The following NTM variants were observed in gnomAD, a reference collection of about 807,000 sequenced individuals.
NTM encodes IgLON family member 2.
Under a neutral mutation model 42.1 loss-of-function variants are expected in NTM, and 13 were observed. That is an observed-to-expected ratio of 0.31 (90% CI 0.20 to 0.49). The LOEUF is 0.49. Among genes scored for constraint, NTM ranks in the 20% least tolerant of loss-of-function variants. The probability of loss-of-function intolerance (pLI) is 0.99; values close to 1 mark genes in which losing one functional copy is unlikely to be tolerated. For synonymous variants in NTM, 187 were observed against 179.2 expected, an observed-to-expected ratio of 1.04 and a Z score of -0.35; for missense variants, 373 against 452.8, an observed-to-expected ratio of 0.82 and a Z score of 1.60.
chr11:132,172,505 C>T (rs555897325), intron 3 of NTM, among the ~76,000 whole-genome samples: 8 of 152,134 alleles, frequency 5.3e-5, no homozygotes, highest in African/African-American at 1.9e-4. Context: ...CTGGAAATCA[C>T]CCTCACTTGA....
intron 1 of NTM, chr11:131,771,312 G>C (rs931860): frequency 0.42 from 64,154 of 151,950 alleles, 15,400 homozygotes; most frequent in East Asian, 0.62. Flanking sequence ...CAGGCTTTGT[G>C]CTTTGTTCTG....
chr11:131,851,532 C>CGCGCGTGT (rs147213224), intron 1 of NTM, among the ~76,000 whole-genome samples: 8,481 of 146,728 alleles, frequency 0.058, 371 homozygotes, highest in Non-Finnish European at 0.085. Context: ...GTGAGAATGG[C>CGCGCGTGT]GTGTGTGTGT....
rs546289746 is a variant in NTM at position 131,718,133 on chromosome 11, C to G, written c.83-193431C>G. 2.0e-5 allele frequency among the ~76,000 whole-genome samples: 3 copies of G among 152,114 alleles called. No homozygotes were observed. In the East Asian group the frequency reaches 5.8e-4, roughly 29 times the overall value. On this transcript the variant is annotated intron_variant, in intron 1 of 8. Transcript: ENST00000683400. ...AACAGTATGTTTTTTAGAATTTTTG[C>G]ATATCTATTTATGGAAAATAATGGT...
intron 1 of NTM, among the ~76,000 whole-genome samples, chr11:131,717,170 G>T (rs2077786994): frequency 6.6e-6 from 1 of 152,110 alleles, no homozygotes; most frequent in Non-Finnish European, 1.5e-5. Context: ...TCAGATAGTG[G>T]TAGGCCTCCA....
intron 2 of NTM, among the ~76,000 whole-genome samples, chr11:131,930,508 A>G (rs2058477442): frequency 1.3e-5 from 2 of 152,194 alleles, no homozygotes; most frequent in South Asian, 4.1e-4. Flanking sequence ...GTTATGAAAT[A>G]TTTTATATAC....
chr11:131,383,201 A>G (rs1942907292), intron 1 of NTM, among the ~76,000 whole-genome samples: 1 of 152,228 alleles, frequency 6.6e-6, no homozygotes, highest in Admixed American at 6.5e-5. Flanking sequence ...GAACAACATA[A>G]TCGATCTGAA....
At chr11:131,725,840 C>T (rs903326898) in intron 1 of NTM, among the ~76,000 whole-genome samples, 1 of 152,144 alleles carries the variant, frequency 6.6e-6, no homozygotes, top group African/African-American at 2.4e-5. Context: ...CAAACTTCAG[C>T]GTGAATCAGA....
chr11:132,160,728 G>A (rs1022760800), intron 3 of NTM, among the ~76,000 whole-genome samples: 1 of 152,206 alleles, frequency 6.6e-6, no homozygotes, highest in African/African-American at 2.4e-5. Flanking sequence ...TGGACATGAA[G>A]TTTTGCCCAG....
intron 1 of NTM, chr11:131,909,770 A>C (rs1023367158): frequency 3.9e-5 from 6 of 152,290 alleles, no homozygotes; most frequent in Non-Finnish European, 8.8e-5. Flanking sequence ...CAGAGAGGAG[A>C]AGTGACAGGG....
At chr11:131,777,607 C>A (rs1443029789) in intron 1 of NTM, among the ~76,000 whole-genome samples, 1 of 151,902 alleles carries the variant, frequency 6.6e-6, no homozygotes, top group Non-Finnish European at 1.5e-5. Context: ...AAGCCCCAAA[C>A]CCCAAAATTT....
intron 1 of NTM, among the ~76,000 whole-genome samples, chr11:131,802,622 T>C (rs2092216458): frequency 6.6e-6 from 1 of 152,194 alleles, no homozygotes; most frequent in South Asian, 2.1e-4. Context: ...TCTCTCCCTG[T>C]GCCATCAGCA....
At chr11:132,220,542 G>C (rs2084935897) in intron 4 of NTM, among the ~76,000 whole-genome samples, 1 of 152,204 alleles carries the variant, frequency 6.6e-6, no homozygotes, top group East Asian at 1.9e-4. Flanking sequence ...TCAATGTGCT[G>C]AATTGAGAAC....
At chr11:132,263,565 C>A (rs530946211) in intron 4 of NTM, among the ~76,000 whole-genome samples, 1 of 152,312 alleles carries the variant, frequency 6.6e-6, no homozygotes, top group Admixed American at 6.5e-5. Context: ...TTCGGACCAG[C>A]TGAGAATTTT....
At chr11:132,270,460 C>T (rs1029436161) in intron 4 of NTM, among the ~76,000 whole-genome samples, 1 of 152,072 alleles carries the variant, frequency 6.6e-6, no homozygotes, top group Admixed American at 6.6e-5. Flanking sequence ...AACTCCTGAC[C>T]TCAAGTGATC....
In NTM at chr11:131,737,085, G is replaced by T. The variant is rs1716143295; in HGVS notation, c.83-174479G>T. On this transcript the variant is annotated intron_variant, in intron 1 of 8. Transcript: ENST00000683400. ...CGCTGCTACTTCTGGATGTCAAGCT[G>T]TCAGGCTAATGGTGTCAAGGGCAGG... Among the ~76,000 whole-genome samples the T allele has an allele frequency of 2.0e-5, 3 of 152,294 alleles. No homozygotes were observed. The South Asian group carries it at 6.2e-4, about 32-fold the overall frequency.
chr11:132,004,628 T>TCACACA (rs1289413447), intron 2 of NTM, among the ~76,000 whole-genome samples: 11 of 150,508 alleles, frequency 7.3e-5, no homozygotes, highest in African/African-American at 2.7e-4. Flanking sequence ...TCTCTCTCTC[T>TCACACA]CTCTCTCACA....
intron 2 of NTM, among the ~76,000 whole-genome samples, chr11:131,949,025 G>A (rs931953488): frequency 1.3e-5 from 2 of 152,264 alleles, no homozygotes; most frequent in African/African-American, 4.8e-5. Context: ...CCATTCTACG[G>A]TGACTCTACG....
At chr11:131,442,066 G>T (rs151057266) in intron 1 of NTM, among the ~76,000 whole-genome samples, 1 of 152,170 alleles carries the variant, frequency 6.6e-6, no homozygotes, top group Non-Finnish European at 1.5e-5. Flanking sequence ...GATATCTCAC[G>T]CTCTTCAGCA....
At chr11:131,612,049 T>C (rs1445184882) in intron 1 of NTM, among the ~76,000 whole-genome samples, 1 of 152,160 alleles carries the variant, frequency 6.6e-6, no homozygotes, top group Non-Finnish European at 1.5e-5. Flanking sequence ...TCATAGACAG[T>C]ATTATCACAT....
Sources: allele counts gnomAD v4.1 joint callset (sites outside exome capture counted in the v4.1 genomes callset), GRCh38; gene constraint gnomAD v4.1.1; transcripts MANE v1.5; gene names NCBI Gene and HGNC (gene_info 2026-07-23, HGNC 2026-07-21).